Variants in ELF2 observed in about 807,000 individuals in gnomAD.
ELF2 encodes ETS-related transcription factor Elf-2.
Under a neutral mutation model 54.8 loss-of-function variants are expected in ELF2, and 11 were observed. The observed-to-expected ratio is 0.20, with a 90% CI of 0.13 to 0.33. The LOEUF (loss-of-function observed/expected upper bound fraction) is 0.33, where lower values mean the gene tolerates loss of function less well. Among genes scored for constraint, ELF2 ranks in the 10% least tolerant of loss-of-function variants. ELF2 has a pLI of 1.00. For missense variants in ELF2, 513 were observed against 703.0 expected, an observed-to-expected ratio of 0.73 and a Z score of 3.06; for synonymous variants, 203 against 245.1, an observed-to-expected ratio of 0.83 and a Z score of 1.61.
intron 7 of ELF2, among the ~76,000 whole-genome samples, chr4:139,063,029 G>A (rs774817924): frequency 6.6e-4 from 101 of 152,130 alleles, no homozygotes; most frequent in Non-Finnish European, 7.5e-4. Flanking sequence ...GCCAGGAGGC[G>A]GGCATATCAC....
At chr4:139,122,625 C>T (rs1355401556) in intron 4 of ELF2, among the ~76,000 whole-genome samples, 2 of 151,932 alleles carry the variant, frequency 1.3e-5, no homozygotes, top group Admixed American at 1.3e-4. Flanking sequence ...CCTCAGCCTC[C>T]CAAGTATCTG....
At chr4:139,125,114 C>T in intron 4 of ELF2, 50 bp downstream of exon 4, 5 of 1,570,058 alleles carry the variant, frequency 3.2e-6, no homozygotes, top group Non-Finnish European at 4.3e-6. Flanking sequence ...ATTGTTGAAG[C>T]TTACAAAATG....
At chr4:139,096,402 G>C (rs1015647652) in intron 4 of ELF2, among the ~76,000 whole-genome samples, 1 of 152,016 alleles carries the variant, frequency 6.6e-6, no homozygotes, top group African/African-American at 2.4e-5. Flanking sequence ...GCATATGTAA[G>C]ATTAAAGAAA....
chr4:139,164,871 T>C (rs1183534626), intron 1 of ELF2, among the ~76,000 whole-genome samples: 1 of 152,218 alleles, frequency 6.6e-6, no homozygotes, highest in East Asian at 1.9e-4. Flanking sequence ...TCCCATGATT[T>C]TACTAAGAGC....
intron 1 of ELF2, among the ~76,000 whole-genome samples, chr4:139,168,151 T>C (rs1741911751): frequency 6.6e-6 from 1 of 152,200 alleles, no homozygotes; most frequent in African/African-American, 2.4e-5. Context: ...TCTGTGCTAT[T>C]ACTAATACTA....
In ELF2 at chr4:139,073,579, A is replaced by G. The variant is rs2148699927; in HGVS notation, c.239-12T>C. 6 of 1,502,292 alleles carry G rather than the reference A, an allele frequency of 4.0e-6. No individual in the cohort carries two copies. The highest frequency in any genetic ancestry group is 2.8e-5 in the African/African-American group (2 of 72,414). 93.1% of individuals were successfully genotyped at this position (1,502,292 alleles called of 1,614,324 possible). On this transcript the variant is annotated splice_polypyrimidine_tract_variant and intron_variant, in intron 4 of 9. Coordinates refer to ENST00000686138, the MANE Select transcript of ELF2 (RefSeq NM_001331036.3). Reference sequence around the variant, plus strand: ...AACTGATGCTTCCACTGGAGGAAAAATAAGTTCTACTCAATTAAAAATACA... The same window carrying G: ...AACTGATGCTTCCACTGGAGGAAAAGTAAGTTCTACTCAATTAAAAATACA...
chr4:139,128,833 A>G (rs1003517067), intron 3 of ELF2, among the ~76,000 whole-genome samples: 2 of 151,686 alleles, frequency 1.3e-5, no homozygotes, highest in Admixed American at 6.6e-5. Context: ...CAAAATGTTA[A>G]TAACGACCAA....
rs541541264 is a variant in ELF2, at chr4:139,143,641, C to G, written c.-251-4144G>C. Among the ~76,000 whole-genome samples, 8 of 152,064 alleles carry G rather than the reference C, an allele frequency of 5.3e-5. No homozygotes were observed. The East Asian group carries it at 1.4e-3, about 26-fold the overall frequency. ...CTCTACTAAAAATACAAAAAATAGC[C>G]CAGCGTGGTGGCAGGCGCCTGTAAT... On this transcript the variant is annotated intron_variant, in intron 1 of 9. Transcript: ENST00000686138.
intron 1 of ELF2, among the ~76,000 whole-genome samples, chr4:139,157,494 T>C (rs901892422): frequency 1.3e-5 from 2 of 152,210 alleles, no homozygotes; most frequent in Non-Finnish European, 2.9e-5. Context: ...CTCAACCTCC[T>C]GGGCTCAAGC....
chr4:139,159,326 A>T (rs1361798132), intron 1 of ELF2, among the ~76,000 whole-genome samples: 2 of 152,228 alleles, frequency 1.3e-5, no homozygotes, highest in Non-Finnish European at 2.9e-5. Flanking sequence ...GAGACGTTTT[A>T]AGAGATGGGC....
At chr4:139,063,922 G>A (rs1728264516) in intron 7 of ELF2, among the ~76,000 whole-genome samples, 1 of 152,082 alleles carries the variant, frequency 6.6e-6, no homozygotes, top group Admixed American at 6.6e-5. Context: ...TTATGGAGGA[G>A]AGAGTAGTAG....
At chr4:139,069,116 G>A (rs1014384022) in intron 6 of ELF2, among the ~76,000 whole-genome samples, 3 of 151,962 alleles carry the variant, frequency 2.0e-5, no homozygotes, top group African/African-American at 7.3e-5. Flanking sequence ...AAATCTGCCC[G>A]CCTCAGCCTC....
chr4:139,093,327 A>C (rs542645757), intron 4 of ELF2, among the ~76,000 whole-genome samples: 45 of 152,338 alleles, frequency 3.0e-4, no homozygotes, highest in East Asian at 1.5e-3. Flanking sequence ...ACAAACAAAC[A>C]AACCAACAAA....
intron 4 of ELF2, among the ~76,000 whole-genome samples, chr4:139,121,888 G>A (rs977664053): frequency 3.9e-5 from 6 of 152,176 alleles, no homozygotes; most frequent in Admixed American, 1.3e-4. Flanking sequence ...TGAGGGAAAC[G>A]TAGACTGTTA....
chr4:139,094,134 A>T (rs190590028), intron 4 of ELF2, among the ~76,000 whole-genome samples: 89 of 152,222 alleles, frequency 5.8e-4, no homozygotes, highest in African/African-American at 2.0e-3. Context: ...TCCCAACCTC[A>T]GGTGATCCAC....
At chr4:139,099,882 TTCTC>T (rs759166070) in intron 4 of ELF2, among the ~76,000 whole-genome samples, 19 of 152,212 alleles carry the variant, frequency 1.2e-4, no homozygotes, top group Admixed American at 2.0e-4. Context: ...CAAGGCCTCT[TTCTC>T]TGTGAGAAAG....
intron 4 of ELF2, among the ~76,000 whole-genome samples, chr4:139,114,495 G>C (rs1313831144): frequency 1.3e-5 from 2 of 150,282 alleles, no homozygotes; most frequent in African/African-American, 4.9e-5. Context: ...CTTGAACCCG[G>C]GAGGTTGCAG....
In ELF2 at chr4:139,075,163, C is replaced by T. The variant is rs72947699; in HGVS notation, c.239-1596G>A. Among the ~76,000 whole-genome samples, 465 of 152,326 alleles carry T rather than the reference C, an allele frequency of 3.1e-3. 3 individuals are homozygous for T. The highest frequency in any genetic ancestry group is 0.011 in the African/African-American group (441 of 41,566). Reference sequence around the variant, plus strand: ...CTCCTCTTCTAGCACTTCCTTTATGCTTTGCTGATTATGTTACTTGTAAAA... The same window carrying T: ...CTCCTCTTCTAGCACTTCCTTTATGTTTTGCTGATTATGTTACTTGTAAAA... On this transcript the variant is annotated intron_variant, in intron 4 of 9. Transcript: ENST00000686138.
intron 4 of ELF2, among the ~76,000 whole-genome samples, chr4:139,111,408 G>T (rs1162254400): frequency 6.6e-6 from 1 of 151,608 alleles, no homozygotes. Flanking sequence ...TGGAGCAGTG[G>T]CGCCATCACA....
Sources: allele counts gnomAD v4.1 joint callset (sites outside exome capture counted in the v4.1 genomes callset), GRCh38; gene constraint gnomAD v4.1.1; transcripts MANE v1.5; gene names NCBI Gene and HGNC (gene_info 2026-07-23, HGNC 2026-07-21).